The following FBP1 variants were observed in gnomAD, a reference collection of about 807,000 sequenced individuals.
FBP1 encodes fructose-1,6-bisphosphatase 1.
FBP1 carries 22 observed loss-of-function variants against 29.9 expected under a neutral mutation model. That is an observed-to-expected ratio of 0.74 (90% CI 0.53 to 1.05). The LOEUF (loss-of-function observed/expected upper bound fraction) is 1.05. Among genes scored for constraint, FBP1 ranks in the 50% least tolerant of loss-of-function variants. The pLI is 0.00. For synonymous variants in FBP1, 175 were observed against 178.6 expected (o/e 0.98, Z 0.16); for missense variants, 345 against 448.2 (o/e 0.77, Z 2.08).
At chr9:94,627,819 C>T (rs1306987571) in intron 1 of FBP1, among the ~76,000 whole-genome samples, 1 of 152,162 alleles carries the variant, frequency 6.6e-6, no homozygotes, top group Non-Finnish European at 1.5e-5. Flanking sequence ...ATCACACGAC[C>T]CTGTCCAAAA....
chr9:94,620,136 A>G (rs911620245), intron 2 of FBP1, among the ~76,000 whole-genome samples, 193 bp downstream of exon 2: 22 of 152,216 alleles, frequency 1.4e-4, no homozygotes, highest in African/African-American at 2.4e-5. Context: ...CGTGAGCCAC[A>G]ACACTCATCT....
Position 94,606,965 on chromosome 9 carries a change from G to C in FBP1, c.568-13C>G, listed in dbSNP as rs1369160439. On this transcript the variant is annotated splice_polypyrimidine_tract_variant and intron_variant, in intron 4 of 6. Transcript: ENST00000375326. ...ACTCCCCGATGGCCTTTTTAGACAA[G>C]GAAGGAAAGGTGGAGAGATGACGAG... is the stretch of plus-strand genomic sequence containing the variant. 6.2e-7 allele frequency: 1 copy of C among 1,614,086 alleles called. No homozygotes were observed. The highest frequency in any genetic ancestry group is 1.1e-5 in the South Asian group (1 of 91,080).
intron 2 of FBP1, among the ~76,000 whole-genome samples, chr9:94,619,242 G>GCC (rs1295591394): frequency 6.6e-6 from 1 of 152,116 alleles, no homozygotes; most frequent in Non-Finnish European, 1.5e-5. Flanking sequence ...GGCTATTTTA[G>GCC]GAATGATGAA....
At chr9:94,610,408 A>G (rs1470938879) in intron 3 of FBP1, among the ~76,000 whole-genome samples, 2 of 152,152 alleles carry the variant, frequency 1.3e-5, no homozygotes, top group African/African-American at 4.8e-5. Flanking sequence ...CATCTCTGTC[A>G]CCTGCCTACT....
At chr9:94,616,994 A>G (rs1827874056) in intron 3 of FBP1, among the ~76,000 whole-genome samples, 1 of 151,918 alleles carries the variant, frequency 6.6e-6, no homozygotes, top group South Asian at 2.1e-4. Flanking sequence ...TGCCCGAGTC[A>G]GGTGTTAGGA....
At chr9:94,614,809 G>A (rs79211738) in intron 3 of FBP1, among the ~76,000 whole-genome samples, 15,860 of 152,152 alleles carry the variant, frequency 0.1, 2,768 homozygotes, top group African/African-American at 0.36. Flanking sequence ...CCCTCAACTG[G>A]TTTCAGCTGT....
chr9:94,618,001 C>T, intron 2 of FBP1, 141 bp from the exon 3 acceptor site: 1 of 684,386 alleles, frequency 1.5e-6, no homozygotes, highest in Non-Finnish European at 2.6e-6. Flanking sequence ...TCATGGAAGG[C>T]ATGAGATGGC....
intron 3 of FBP1, among the ~76,000 whole-genome samples, chr9:94,613,169 G>A (rs2131480754): frequency 6.6e-6 from 1 of 152,274 alleles, no homozygotes; most frequent in East Asian, 1.9e-4. Context: ...CTGCTTTTGT[G>A]GTGGGAGCTG....
At chr9:94,623,764 G>A (rs899705002) in intron 1 of FBP1, among the ~76,000 whole-genome samples, 1 of 152,210 alleles carries the variant, frequency 6.6e-6, no homozygotes, top group Non-Finnish European at 1.5e-5. Context: ...CTGTGCACGG[G>A]GAACCGTTCT....
intron 6 of FBP1, chr9:94,603,966 A>C: frequency 3.1e-6 from 1 of 324,002 alleles, no homozygotes; most frequent in South Asian, 2.7e-5. Context: ...CAATAAAAAA[A>C]ATCCATGGTG....
In FBP1 at chr9:94,637,165, C is replaced by T. The variant is rs145190911; in HGVS notation, c.170+1976G>A. On this transcript the variant is annotated intron_variant, in intron 1 of 6. Coordinates refer to ENST00000375326, the MANE Select transcript of FBP1 (RefSeq NM_000507.4). ...GAGGCAACAGTAATGGAGTCATCAC[C>T]TTCCTTAACATGTCTGCTTAATATT... Among the ~76,000 whole-genome samples, 6 of 152,266 alleles carry T rather than the reference C, an allele frequency of 3.9e-5. No individual in the cohort carries two copies. In the East Asian group the frequency reaches 1.2e-3, roughly 29 times the overall value.
chr9:94,635,173 G>C (rs1828174158), intron 1 of FBP1, among the ~76,000 whole-genome samples: 1 of 151,186 alleles, frequency 6.6e-6, no homozygotes, highest in Non-Finnish European at 1.5e-5. Flanking sequence ...AAAAAATAAA[G>C]GAAGAGATGT....
At chr9:94,618,577 C>T (rs13296485) in intron 2 of FBP1, among the ~76,000 whole-genome samples, 40,118 of 151,420 alleles carry the variant, frequency 0.26, 6,362 homozygotes, top group East Asian at 0.55. Flanking sequence ...GCCAGGAGTT[C>T]GAGGCTGCAG....
At chr9:94,633,957 C>T (rs772877349) in intron 1 of FBP1, among the ~76,000 whole-genome samples, 51 of 151,004 alleles carry the variant, frequency 3.4e-4, no homozygotes, top group Non-Finnish European at 7.0e-4. Context: ...CCGCCCGACT[C>T]GGCCTCCCAA....
At position 94,606,735 on chromosome 9, in the gene FBP1, G is replaced by A. The variant is rs1052623697; in HGVS notation, c.705+80C>T. ...GATCCCAAGGATCCCTTTCATCTCC[G>A]GGGGATGCCCCTGCCTCCAGAACGG... On this transcript the variant is annotated intron_variant, in intron 5 of 6. Coordinates refer to ENST00000375326, the MANE Select transcript of FBP1 (RefSeq NM_000507.4). 4.3e-5 allele frequency: 62 copies of A among 1,430,134 alleles called. No individual in the cohort carries two copies. In the African/African-American group the frequency reaches 6.2e-4, roughly 14 times the overall value. The allele number at this position is 1,430,134 out of a possible 1,614,324, so 88.6% of individuals were successfully genotyped here.
intron 4 of FBP1, among the ~76,000 whole-genome samples, chr9:94,609,027 C>T (rs1202952060): frequency 6.6e-6 from 1 of 151,952 alleles, no homozygotes; most frequent in Non-Finnish European, 1.5e-5. Flanking sequence ...ATGGCGAAAC[C>T]CCGTCTCTAC....
intron 1 of FBP1, among the ~76,000 whole-genome samples, chr9:94,636,358 G>A (rs1330930600): frequency 6.6e-6 from 1 of 151,956 alleles, no homozygotes. Flanking sequence ...CATGCCTGTA[G>A]TCCCAGCTAC....
chr9:94,604,740 C>T (rs555997125), intron 6 of FBP1, among the ~76,000 whole-genome samples: 9 of 152,246 alleles, frequency 5.9e-5, no homozygotes, highest in East Asian at 1.9e-4. Context: ...GCTGAGATCG[C>T]GCCACTGCAC....
At chr9:94,610,196 T>TA in intron 3 of FBP1, 135 bp from the exon 4 acceptor site, 1 of 847,668 alleles carries the variant, frequency 1.2e-6, no homozygotes, top group Non-Finnish European at 1.9e-6. Flanking sequence ...GGCCTTCCCC[T>TA]ACACATCAGC....
Sources: allele counts gnomAD v4.1 joint callset (sites outside exome capture counted in the v4.1 genomes callset), GRCh38; gene constraint gnomAD v4.1.1; transcripts MANE v1.5; gene names NCBI Gene and HGNC (gene_info 2026-07-23, HGNC 2026-07-21).